Variants in GET1 observed in about 807,000 individuals in gnomAD.
GET1 encodes the protein congenital heart disease 5 protein.
In GET1, 20 loss-of-function variants were observed where a neutral mutation model predicts 22.6. The ratio of observed to expected loss-of-function variants is 0.89; its 90% confidence interval spans 0.62 to 1.29. The LOEUF (loss-of-function observed/expected upper bound fraction) is 1.29, where lower values mean the gene tolerates loss of function less well. Among genes scored for constraint, GET1 ranks in the 50% most tolerant of loss-of-function variants. The pLI, the probability that GET1 is intolerant of heterozygous loss-of-function variation, is 0.00. For synonymous variants in GET1, 92 were observed against 83.8 expected, an observed-to-expected ratio of 1.10 and a Z score of -0.53; for missense variants, 209 against 219.9, an observed-to-expected ratio of 0.95 and a Z score of 0.31.
chr21:39,383,148 G>T (rs1425958666), intron 1 of GET1, among the ~76,000 whole-genome samples: 1 of 151,878 alleles, frequency 6.6e-6, no homozygotes, highest in Non-Finnish European at 1.5e-5. Flanking sequence ...TAGAGACGAG[G>T]TTTCACCGAA....
intron 4 of GET1, among the ~76,000 whole-genome samples, chr21:39,404,136 C>A (rs1351222926): frequency 6.6e-6 from 1 of 152,200 alleles, no homozygotes; most frequent in Admixed American, 6.5e-5. Context: ...AAACAAGTTG[C>A]CCTTATAACT....
intron 1 of GET1, chr21:39,423,584 CA>C (rs2074105207): frequency 4.0e-6 from 4 of 989,426 alleles, no homozygotes. Flanking sequence ...CCCCCATGCA[CA>C]CACACCACAC....
intron 2 of GET1, 108 bp from the exon 3 acceptor site, chr21:39,391,660 AT>A (rs891623833): frequency 6.6e-5 from 71 of 1,078,646 alleles, no homozygotes; most frequent in Admixed American, 6.1e-4. Context: ...CGATTGTTCC[AT>A]TTATAATCAG....
chr21:39,420,339 C>T (rs187338926), intron 1 of GET1, among the ~76,000 whole-genome samples: 91 of 151,954 alleles, frequency 6.0e-4, no homozygotes, highest in Non-Finnish European at 7.2e-4. Flanking sequence ...CTGGCCAACA[C>T]GGCAAAAGCC....
At chr21:39,400,847 G>A (rs2038821700), downstream of GET1, among the ~76,000 whole-genome samples, 1 of 152,064 alleles carries the variant, frequency 6.6e-6, no homozygotes, top group Admixed American at 6.6e-5. Context: ...AATATTGTGG[G>A]AAAGGATATT....
In GET1 at chr21:39,387,756, A is replaced by G. The variant is rs2038013209; in HGVS notation, c.103-2942A>G. The G allele has an allele frequency of 1.2e-5, 12 of 985,264 alleles. 1 individual carries two copies. The Admixed American group carries it at 2.5e-4, about 20-fold the overall frequency. The allele number at this position is 985,264 out of a possible 1,614,324, so 61.0% of individuals were successfully genotyped here. On this transcript the variant is annotated intron_variant, in intron 1 of 4. Coordinates refer to ENST00000649170, the MANE Select transcript of GET1 (RefSeq NM_004627.6). ...GGCGGCATCACTGGGCGGGTCAGAAACCACGCGCATGCGCAGACACCCTCA... is the reference window on the plus strand; with the variant it reads ...GGCGGCATCACTGGGCGGGTCAGAAGCCACGCGCATGCGCAGACACCCTCA...
At chr21:39,385,119 A>G (rs2146923933) in intron 1 of GET1, among the ~76,000 whole-genome samples, 1 of 152,220 alleles carries the variant, frequency 6.6e-6, no homozygotes, top group Admixed American at 6.5e-5. Context: ...TCAAGTGGGA[A>G]AGACTCATGA....
intron 1 of GET1, chr21:39,420,664 G>C (rs750905396): frequency 1.3e-6 from 2 of 1,555,472 alleles, no homozygotes; most frequent in African/African-American, 2.7e-5. Flanking sequence ...TATATTTCGG[G>C]AAACAGGATT....
chr21:39,381,122 T>C (rs897925392), intron 1 of GET1, among the ~76,000 whole-genome samples: 1 of 151,986 alleles, frequency 6.6e-6, no homozygotes, highest in African/African-American at 2.4e-5. Flanking sequence ...TCAAGAGAAT[T>C]TAGTGGTGGC....
rs774713229 is a variant in GET1 at position 39,380,380 on chromosome 21, C to T, written c.-5C>T. The T allele has an allele frequency of 1.7e-5, 27 of 1,599,616 alleles. No homozygotes were observed. The highest frequency in any genetic ancestry group is 2.1e-5 in the Non-Finnish European group (25 of 1,172,104). ...GCGGACCCAGCACAGCCAGGAGCGT[C>T]CGGGATGAGCTCAGCCGCGGCCGAC... On this transcript the variant is annotated 5_prime_UTR_variant, in exon 1 of 5. Transcript: ENST00000649170.
chr21:39,413,575 T>G (rs2040485790), intron 1 of GET1, among the ~76,000 whole-genome samples: 1 of 152,338 alleles, frequency 6.6e-6, no homozygotes, highest in Non-Finnish European at 1.5e-5. Flanking sequence ...GGATAAAACA[T>G]GAGAATATTA....
At chr21:39,395,414 G>A (rs2038575596) in intron 4 of GET1, among the ~76,000 whole-genome samples, 1 of 151,628 alleles carries the variant, frequency 6.6e-6, no homozygotes, top group South Asian at 2.1e-4. Flanking sequence ...GCCCAGGCTG[G>A]AGTGCAGTGG....
At chr21:39,426,405 C>T (rs559534201) in intron 1 of GET1, among the ~76,000 whole-genome samples, 1 of 152,210 alleles carries the variant, frequency 6.6e-6, no homozygotes, top group East Asian at 1.9e-4. Context: ...CTTGCATGAT[C>T]CCACAAAAGC....
At chr21:39,382,279 T>A (rs1372794470) in intron 1 of GET1, among the ~76,000 whole-genome samples, 1 of 152,116 alleles carries the variant, frequency 6.6e-6, no homozygotes, top group Non-Finnish European at 1.5e-5. Context: ...GGTCTCAAAC[T>A]CCTGACCTCA....
At chr21:39,419,523 C>CA (rs5843964) in intron 1 of GET1, among the ~76,000 whole-genome samples, 66,796 of 123,326 alleles carry the variant, frequency 0.54, 17,794 homozygotes, top group East Asian at 0.68. Context: ...AGACCCTGTT[C>CA]AAAAAAAAAA....
chr21:39,400,754 G>C (rs181124981), downstream of GET1, among the ~76,000 whole-genome samples: 1 of 152,062 alleles, frequency 6.6e-6, no homozygotes, highest in African/African-American at 2.4e-5. Context: ...GTTCTAATGC[G>C]TATCAATCTA....
At chr21:39,416,173 TA>T (rs2041119148) in intron 1 of GET1, among the ~76,000 whole-genome samples, 2 of 152,198 alleles carry the variant, frequency 1.3e-5, no homozygotes, top group South Asian at 4.1e-4. Flanking sequence ...ACAGGGAAGG[TA>T]AAAATGTTTG....
At chr21:39,402,821 CTAAAAG>C (rs759732672), downstream of GET1, among the ~76,000 whole-genome samples, 16 of 146,854 alleles carry the variant, frequency 1.1e-4, no homozygotes, top group African/African-American at 3.0e-4. Flanking sequence ...GTAGAAAACA[CTAAAAG>C]TAAATTAAAA....
At chr21:39,382,453 T>C (rs2037613106) in intron 1 of GET1, among the ~76,000 whole-genome samples, 1 of 152,234 alleles carries the variant, frequency 6.6e-6, no homozygotes, top group African/African-American at 2.4e-5. Context: ...ACCATTGTAC[T>C]TTCTGCCTCT....
Sources: allele counts gnomAD v4.1 joint callset (sites outside exome capture counted in the v4.1 genomes callset), GRCh38; gene constraint gnomAD v4.1.1; transcripts MANE v1.5; gene names NCBI Gene and HGNC (gene_info 2026-07-23, HGNC 2026-07-21).